ADGRL3: variants seen among roughly 807,000 people sequenced by gnomAD.
ADGRL3 encodes the protein adhesion G protein-coupled receptor L3.
A neutral mutation model predicts 153.5 loss-of-function variants in ADGRL3; 62 were observed. The ratio of observed to expected loss-of-function variants is 0.40; its 90% confidence interval spans 0.33 to 0.50. ADGRL3 has a LOEUF of 0.50. Ranked by LOEUF, ADGRL3 falls within the 20% of genes least tolerant of loss-of-function variation. The pLI is 0.47. For missense variants in ADGRL3, 1,641 were observed against 1,859.4 expected, an observed-to-expected ratio of 0.88 and a Z score of 2.16; for synonymous variants, 710 against 672.5, an observed-to-expected ratio of 1.06 and a Z score of -0.86.
chr4:61,848,060 T>C (rs1479341716), intron 9 of ADGRL3, among the ~76,000 whole-genome samples: 1 of 34,194 alleles, frequency 2.9e-5, no homozygotes, highest in African/African-American at 7.4e-5. Flanking sequence ...ATATATTATA[T>C]ATATAATATA....
At chr4:61,492,648 C>A (rs1329472068) in intron 2 of ADGRL3, among the ~76,000 whole-genome samples, 2 of 151,934 alleles carry the variant, frequency 1.3e-5, no homozygotes, top group African/African-American at 2.4e-5. Context: ...ATCAATGTCT[C>A]CCATTTAGAA....
Position 61,374,255 on chromosome 4 carries a change from T to C in ADGRL3, c.-239-8869T>C, listed in dbSNP as rs544878364. On this transcript the variant is annotated intron_variant, in intron 1 of 26. Transcript: ENST00000683033. ...ACTATTTCCAAAGTTCTTTCTGTTT[T>C]CCTCAGAGCTTTAGGTATTTCTTCT... 2.0e-5 allele frequency among the ~76,000 whole-genome samples: 3 copies of C among 152,316 alleles called. No individual in the cohort carries two copies. In the East Asian group the frequency reaches 5.8e-4, roughly 29 times the overall value.
At chr4:61,274,569 C>A (rs1371042410) in intron 1 of ADGRL3, among the ~76,000 whole-genome samples, 1 of 152,096 alleles carries the variant, frequency 6.6e-6, no homozygotes, top group Non-Finnish European at 1.5e-5. Flanking sequence ...ATTTAAAAAA[C>A]AACATATTAA....
intron 3 of ADGRL3, among the ~76,000 whole-genome samples, chr4:61,515,937 A>C (rs909372510): frequency 1.3e-5 from 2 of 152,114 alleles, no homozygotes; most frequent in African/African-American, 4.8e-5. Flanking sequence ...TGGTCTTGAA[A>C]CTTATTTTCT....
At chr4:61,595,085 G>C (rs139549262) in intron 5 of ADGRL3, among the ~76,000 whole-genome samples, 1 of 152,222 alleles carries the variant, frequency 6.6e-6, no homozygotes, top group African/African-American at 2.4e-5. Context: ...TTCTGGCCTA[G>C]AGCAGGTCCA....
At chr4:61,471,275 T>G (rs2097949775) in intron 2 of ADGRL3, among the ~76,000 whole-genome samples, 1 of 151,818 alleles carries the variant, frequency 6.6e-6, no homozygotes, top group Non-Finnish European at 1.5e-5. Flanking sequence ...AAAAGCCTCC[T>G]CTATATTGAC....
At chr4:61,720,579 A>G (rs1226511047) in intron 6 of ADGRL3, among the ~76,000 whole-genome samples, 2 of 152,306 alleles carry the variant, frequency 1.3e-5, no homozygotes, top group South Asian at 4.1e-4. Context: ...TGGGAATAGT[A>G]TTTGCTCTTT....
At chr4:61,668,519 T>G (rs2094880763) in intron 5 of ADGRL3, among the ~76,000 whole-genome samples, 1 of 152,208 alleles carries the variant, frequency 6.6e-6, no homozygotes, top group Admixed American at 6.5e-5. Flanking sequence ...TTGGTTATAT[T>G]GTCACTTGCT....
At chr4:61,980,735 C>G (rs761131407) in intron 18 of ADGRL3, among the ~76,000 whole-genome samples, 5 of 152,176 alleles carry the variant, frequency 3.3e-5, no homozygotes, top group African/African-American at 1.2e-4. Context: ...GGCACCATGC[C>G]TGGCCAAGGC....
intron 1 of ADGRL3, among the ~76,000 whole-genome samples, chr4:61,341,088 A>T (rs563229688): frequency 6.6e-6 from 1 of 151,840 alleles, no homozygotes; most frequent in African/African-American, 2.4e-5. Flanking sequence ...GCAAACTAAC[A>T]TATATATATA....
chr4:61,577,265 G>A, intron 4 of ADGRL3, among the ~76,000 whole-genome samples: 1 of 151,362 alleles, frequency 6.6e-6, no homozygotes, highest in Admixed American at 6.6e-5. Context: ...AATAGATTGT[G>A]CATTTCTCAA....
chr4:61,860,196 A>G (rs2098326190), intron 9 of ADGRL3, among the ~76,000 whole-genome samples: 1 of 152,084 alleles, frequency 6.6e-6, no homozygotes. Flanking sequence ...GCTTAAAGTT[A>G]AGAAACACAG....
chr4:61,610,472 A>G (rs560216580), intron 5 of ADGRL3, among the ~76,000 whole-genome samples: 2 of 152,278 alleles, frequency 1.3e-5, no homozygotes, highest in African/African-American at 4.8e-5. Flanking sequence ...ACAGAGGAAA[A>G]ATATTTCCAA....
At position 62,073,464 on chromosome 4, in the gene ADGRL3, A is replaced by G. The variant is rs1241815439; in HGVS notation, c.*2556A>G. ...ATTTGGCAATAAAAGAATCCTTTTT[A>G]GATGTGTTTATGGTAACTTCAGAAA... On this transcript the variant is annotated 3_prime_UTR_variant, in exon 27 of 27. Coordinates refer to ENST00000683033, the MANE Select transcript of ADGRL3 (RefSeq NM_001387552.1). 6.6e-6 allele frequency: 1 copy of G among 152,168 alleles called. No homozygotes were observed. Among genetic ancestry groups the G allele is most frequent in the East Asian group, 1.9e-4 (1 of 5,190 alleles). 9.4% of individuals were successfully genotyped at this position (152,168 alleles called of 1,614,324 possible).
intron 8 of ADGRL3, among the ~76,000 whole-genome samples, chr4:61,799,029 ATATATATATAC>A: frequency 7.7e-6 from 1 of 129,616 alleles, no homozygotes; most frequent in Admixed American, 7.8e-5. Context: ...ATATATATAT[ATATATATATAC>A]CATATATTGT....
intron 9 of ADGRL3, among the ~76,000 whole-genome samples, chr4:61,828,280 T>C (rs181683987): frequency 5.7e-4 from 87 of 152,256 alleles, no homozygotes; most frequent in Admixed American, 2.6e-3. Flanking sequence ...GATAAAACCA[T>C]CCTAAGACAC....
chr4:62,003,130 G>T (rs182652340), intron 21 of ADGRL3, among the ~76,000 whole-genome samples: 1 of 152,208 alleles, frequency 6.6e-6, no homozygotes, highest in Admixed American at 6.5e-5. Context: ...GAACATTGGT[G>T]CCTATGTGAA....
At chr4:61,773,509 T>C (rs1180382741) in intron 8 of ADGRL3, among the ~76,000 whole-genome samples, 1 of 152,200 alleles carries the variant, frequency 6.6e-6, no homozygotes, top group Admixed American at 6.5e-5. Context: ...AGCCCTCACT[T>C]TTCCGAAAAG....
intron 1 of ADGRL3, among the ~76,000 whole-genome samples, chr4:61,253,414 T>A (rs903603744): frequency 2.0e-5 from 3 of 152,186 alleles, no homozygotes; most frequent in African/African-American, 7.2e-5. Flanking sequence ...GTTGACTCAG[T>A]GTGCTTATTG....
Sources: gnomAD v4.1 joint callset for allele counts (sites outside exome capture counted in the v4.1 genomes callset) on GRCh38, gnomAD v4.1.1 for gene constraint, MANE v1.5 for transcripts, NCBI Gene and HGNC (gene_info 2026-07-23, HGNC 2026-07-21) for gene names.